CFAP263: variants seen among roughly 807,000 people sequenced by gnomAD.
CFAP263 encodes cilia- and flagella-associated protein 263.
chr16:58,255,854 C>T, the CFAP263 span, among the ~76,000 whole-genome samples: 21,925 of 151,982 alleles, frequency 0.14, 2,091 homozygotes, highest in East Asian at 0.33. Flanking sequence ...TGAGCCATCG[C>T]GCCCGGCCCC....
At chr16:58,278,244 A>G in the CFAP263 span, among the ~76,000 whole-genome samples, 1 of 121,650 alleles carries the variant, frequency 8.2e-6, no homozygotes, top group Admixed American at 8.6e-5. Context: ...GGAGGGAAGA[A>G]AAGGAATGAA....
chr16:58,273,373 G>C, the CFAP263 span, among the ~76,000 whole-genome samples: 2 of 150,808 alleles, frequency 1.3e-5, no homozygotes, highest in African/African-American at 2.4e-5. Context: ...ATTTTTCTTG[G>C]TTCTCTTTTC....
the CFAP263 span, among the ~76,000 whole-genome samples, chr16:58,269,626 A>G: frequency 2.0e-5 from 3 of 152,210 alleles, no homozygotes; most frequent in Non-Finnish European, 4.4e-5. Flanking sequence ...ACTTGGAATA[A>G]CATTTCAAGG....
the CFAP263 span, among the ~76,000 whole-genome samples, chr16:58,272,019 T>A: frequency 2.7e-5 from 3 of 109,324 alleles, no homozygotes; most frequent in South Asian, 8.1e-4. Context: ...ACTCATAGAT[T>A]TTTTTTTTTT....
the CFAP263 span, among the ~76,000 whole-genome samples, chr16:58,275,818 ACGCT>A: frequency 3.3e-5 from 5 of 152,244 alleles, no homozygotes; most frequent in African/African-American, 1.2e-4. Flanking sequence ...ACTATGCCTT[ACGCT>A]GAAATTAATT....
At chr16:58,256,415 G>T in the CFAP263 span, among the ~76,000 whole-genome samples, 2 of 152,146 alleles carry the variant, frequency 1.3e-5, no homozygotes, top group African/African-American at 4.8e-5. Flanking sequence ...AAGAATGATG[G>T]CATCTGTTTA....
the CFAP263 span, among the ~76,000 whole-genome samples, chr16:58,257,211 G>T: frequency 1.7e-5 from 2 of 115,864 alleles, no homozygotes; most frequent in Admixed American, 1.1e-4. Context: ...TAGAGACGGG[G>T]TTTCACCGTT....
At chr16:58,270,721 C>A in the CFAP263 span, among the ~76,000 whole-genome samples, 3 of 152,056 alleles carry the variant, frequency 2.0e-5, no homozygotes, top group Non-Finnish European at 2.9e-5. Context: ...CCTCTGTCTT[C>A]TTTTAAGAGT....
chr16:58,280,938 ACTTTTC>A, the CFAP263 span: 2 of 588,264 alleles, frequency 3.4e-6, no homozygotes, highest in East Asian at 5.6e-5. Flanking sequence ...CAACAAGATG[ACTTTTC>A]CTTTTATTAT....
the CFAP263 span, among the ~76,000 whole-genome samples, chr16:58,279,461 G>A: frequency 6.6e-6 from 1 of 152,054 alleles, no homozygotes; most frequent in Admixed American, 6.6e-5. Context: ...TCACTTTACT[G>A]AACAGAAGAA....
the CFAP263 span, chr16:58,259,795 C>T: frequency 8.8e-7 from 1 of 1,142,010 alleles, no homozygotes; most frequent in Non-Finnish European, 1.3e-6. Flanking sequence ...ACTTTTCAAA[C>T]CAATGGGAAA....
At chr16:58,276,477 G>T in the CFAP263 span, among the ~76,000 whole-genome samples, 2 of 152,162 alleles carry the variant, frequency 1.3e-5, no homozygotes, top group African/African-American at 2.4e-5. Context: ...CTTGTAGGGG[G>T]ATGTCTTGTG....
the CFAP263 span, among the ~76,000 whole-genome samples, chr16:58,269,640 A>G: frequency 6.6e-6 from 1 of 152,174 alleles, no homozygotes; most frequent in African/African-American, 2.4e-5. Context: ...TTCAAGGTTC[A>G]CTTGTATCAT....
the CFAP263 span, among the ~76,000 whole-genome samples, chr16:58,258,821 A>T: frequency 6.6e-6 from 1 of 152,018 alleles, no homozygotes; most frequent in Non-Finnish European, 1.5e-5. Context: ...TCTACTAAAA[A>T]TACAAAAATT....
chr16:58,280,067 G>C, the CFAP263 span: 1 of 717,606 alleles, frequency 1.4e-6, no homozygotes, highest in East Asian at 2.7e-5. Flanking sequence ...ACCTGGGAGA[G>C]GGATAGAGGA....
chr16:58,250,218 C>T, the CFAP263 span: 1 of 639,170 alleles, frequency 1.6e-6, no homozygotes, highest in Non-Finnish European at 2.7e-6. Context: ...CAAGCCCTCA[C>T]TGAGCACTGG....
At chr16:58,274,218 G>A in the CFAP263 span, among the ~76,000 whole-genome samples, 6 of 152,210 alleles carry the variant, frequency 3.9e-5, no homozygotes, top group Non-Finnish European at 8.8e-5. Flanking sequence ...GCTCTTCTTA[G>A]TGGTCTCTTT....
the CFAP263 span, chr16:58,252,699 GA>G: frequency 6.2e-7 from 1 of 1,606,494 alleles, no homozygotes; most frequent in Non-Finnish European, 8.5e-7. Flanking sequence ...CTTATTACTA[GA>G]ACTTACTCAG....
the CFAP263 span, among the ~76,000 whole-genome samples, chr16:58,266,685 T>C: frequency 6.6e-6 from 1 of 151,950 alleles, no homozygotes; most frequent in East Asian, 1.9e-4. Flanking sequence ...GGCCCACTCC[T>C]CTGCCCAGCA....
Sources: allele counts gnomAD v4.1 joint callset (sites outside exome capture counted in the v4.1 genomes callset), GRCh38; gene constraint gnomAD v4.1.1; transcripts MANE v1.5; gene names NCBI Gene and HGNC (gene_info 2026-07-23, HGNC 2026-07-21).